PLAC8L1: variants seen among roughly 807,000 people sequenced by gnomAD.
PLAC8L1 encodes the protein PLAC8-like protein 1.
PLAC8L1 carries 13 observed loss-of-function variants against 16.3 expected under a neutral mutation model. The ratio of observed to expected loss-of-function variants is 0.80; its 90% CI spans 0.52 to 1.27. PLAC8L1 has a LOEUF of 1.27. PLAC8L1 is among the 50% of genes most tolerant of loss of function. PLAC8L1 has a pLI of 0.00. For synonymous variants in PLAC8L1, 78 were observed against 79.3 expected, an observed-to-expected ratio of 0.98 and a Z score of 0.09; for missense variants, 184 against 220.2, an observed-to-expected ratio of 0.84 and a Z score of 1.04.
intron 1 of PLAC8L1, among the ~76,000 whole-genome samples, chr5:146,098,640 T>A (rs548936117): frequency 6.6e-6 from 1 of 152,370 alleles, no homozygotes; most frequent in African/African-American, 2.4e-5. Context: ...CTTGGTTAAA[T>A]GACTTTACCT....
chr5:146,084,444 G>C lies in PLAC8L1; in HGVS notation c.522C>G (p.Asp174Glu). ...AGTTATCTTGCTGTCAAACCAGGGT[G>C]TCCTTAGTCATTGGGACTGCACAGA... Reference protein sequence around the residue: ...YEICAVPMTKDTLV With the variant: ...YEICAVPMTKETLV Residue 174 changes from aspartate (D) to glutamate (E), a missense_variant, in exon 4 of 4, where the codon GAC becomes GAG. Coordinates refer to ENST00000311450, the MANE Select transcript of PLAC8L1 (RefSeq NM_001029869.3). 1 of 1,614,104 alleles carries C rather than the reference G, an allele frequency of 6.2e-7. No homozygotes were observed.
In PLAC8L1 at chr5:146,098,142, G is replaced by A. The variant is rs1763745779; in HGVS notation, c.256+14C>T. ...AATAGTAAGGAGGAACTTAAATAAG[G>A]AGGAAAAACTTACAAATTCTCCTAT... On this transcript the variant is annotated intron_variant, in intron 2 of 3. Coordinates refer to ENST00000311450, the MANE Select transcript of PLAC8L1 (RefSeq NM_001029869.3). The A allele has an allele frequency of 6.2e-7, 1 of 1,605,396 alleles. No homozygotes were observed. Among genetic ancestry groups the A allele is most frequent in the South Asian group, 1.1e-5 (1 of 90,032 alleles).
At position 146,104,212 on chromosome 5, in the gene PLAC8L1, G is replaced by A. The variant is rs1727376097; in HGVS notation, c.100C>T (p.His34Tyr). The A allele has an allele frequency of 3.7e-6, 6 of 1,613,546 alleles. No homozygotes were observed. Among genetic ancestry groups the A allele is most frequent in the Non-Finnish European group, 5.1e-6 (6 of 1,179,774 alleles). ...CCCTACCTCAAGTTGGAAATAAAATGTTCATCTTCAGATGACATGTGTGAC... is the reference window on the plus strand; with the variant it reads ...CCCTACCTCAAGTTGGAAATAAAATATTCATCTTCAGATGACATGTGTGAC... ...LLSHMSSEDE[H>Y]FISNLRGHVP... The change falls in exon 1 of 4, where the codon CAT (histidine) becomes TAT (tyrosine). Residue 34 changes from histidine to tyrosine, a missense_variant. Transcript: ENST00000311450.
chr5:146,096,509 A>G (rs570304350), intron 2 of PLAC8L1, among the ~76,000 whole-genome samples: 1 of 152,282 alleles, frequency 6.6e-6, no homozygotes, highest in East Asian at 1.9e-4. Flanking sequence ...CACCTTTATT[A>G]TCTTCATTTT....
At chr5:146,095,289 T>C (rs1763691680) in intron 2 of PLAC8L1, among the ~76,000 whole-genome samples, 1 of 152,192 alleles carries the variant, frequency 6.6e-6, no homozygotes, top group African/African-American at 2.4e-5. Context: ...AAGAATATTG[T>C]ATTTCTCCCC....
intron 1 of PLAC8L1, among the ~76,000 whole-genome samples, chr5:146,102,275 T>C (rs1442331914): frequency 2.6e-5 from 4 of 152,150 alleles, no homozygotes; most frequent in Non-Finnish European, 5.9e-5. Context: ...CCTAGGCTGT[T>C]TGTCTAATTT....
chr5:146,089,363 A>C (rs1763572099), intron 2 of PLAC8L1, among the ~76,000 whole-genome samples: 1 of 152,176 alleles, frequency 6.6e-6, no homozygotes, highest in Non-Finnish European at 1.5e-5. Context: ...ATAATAGCTC[A>C]TATTTATACA....
intron 1 of PLAC8L1, 194 bp downstream of exon 1, chr5:146,103,999 T>TTTCCG (rs1410263534): frequency 1.9e-5 from 19 of 985,310 alleles, no homozygotes; most frequent in Non-Finnish European, 2.2e-5. Flanking sequence ...AGCCAGCCCT[T>TTTCCG]TTCTTGTCAC....
rs369159577 is a variant in PLAC8L1 at position 146,098,248 on chromosome 5, C to G, written c.164G>C (p.Gly55Ala). 1 of 1,614,004 alleles carries G rather than the reference C, an allele frequency of 6.2e-7. No homozygotes were observed. Among genetic ancestry groups the G allele is most frequent in the Non-Finnish European group, 8.5e-7 (1 of 1,180,004 alleles). ...TGTGATTGTCGTCCTGCCACTGGCTCCCCGAACAGGCTGCTTCACCACAGC... is the reference window on the plus strand; with the variant it reads ...TGTGATTGTCGTCCTGCCACTGGCTGCCCGAACAGGCTGCTTCACCACAGC... ...ASAVVKQPVR[G>A]ASGRTTITAI... Residue 55 changes from glycine to alanine, a missense_variant, in exon 2 of 4, where the codon GGA becomes GCA. Physicochemically the swap from Gly to Ala is moderately conservative, Grantham distance 60. Transcript: ENST00000311450.
chr5:146,099,141 A>G (rs1349937525), intron 1 of PLAC8L1, among the ~76,000 whole-genome samples: 1 of 152,116 alleles, frequency 6.6e-6, no homozygotes, highest in Non-Finnish European at 1.5e-5. Flanking sequence ...TCCATAGTGA[A>G]GGGTAAGTTG....
chr5:146,091,509 T>C (rs1763616839), intron 2 of PLAC8L1, among the ~76,000 whole-genome samples: 1 of 151,878 alleles, frequency 6.6e-6, no homozygotes, highest in East Asian at 1.9e-4. Flanking sequence ...TAGAGAAATA[T>C]AGAGAAAAAG....
chr5:146,085,731 T>C, intron 2 of PLAC8L1, 134 bp from the exon 3 acceptor site: 2 of 1,011,780 alleles, frequency 2.0e-6, no homozygotes, highest in Non-Finnish European at 2.7e-6. Context: ...TGAGAATAAA[T>C]AACCAATTCC....
In PLAC8L1 at chr5:146,104,020, AG is replaced by A. The variant is rs1195589970; in HGVS notation, c.119+172del. On this transcript the variant is annotated intron_variant, in intron 1 of 3. Coordinates refer to ENST00000311450, the MANE Select transcript of PLAC8L1 (RefSeq NM_001029869.3). ...CCCTTTTCTTGTCACCAGCCAAGAA[AG>A]GCCAGAAGGAACAAATCAGTTGCCC... 10 of 985,348 alleles carry A rather than the reference AG, an allele frequency of 1.0e-5. No individual in the cohort carries two copies. In the African/African-American group the frequency reaches 1.7e-4, roughly 17 times the overall value. 61.0% of individuals were successfully genotyped at this position (985,348 alleles called of 1,614,324 possible).
In PLAC8L1 at chr5:146,085,523, G is replaced by A. The variant is rs571263085; in HGVS notation, c.331C>T (p.Pro111Ser). 172 of 1,614,032 alleles carry A rather than the reference G, an allele frequency of 1.1e-4. 2 individuals are homozygous for A. The East Asian group carries it at 1.6e-3, about 15-fold the overall frequency. ...GCAAAGGTGGACCCAGGTAACAACG[G>A]CCAACAAAGACACTCTCCATAATGC... Reference protein sequence around the residue: ...ARHYGECLCWPLLPGSTFALR... With the variant: ...ARHYGECLCWSLLPGSTFALR... Residue 111 changes from proline (P) to serine (S), a missense_variant, in exon 3 of 4, where the codon CCG becomes TCG. Physicochemically the swap from Pro to Ser is moderately conservative, Grantham distance 74. Coordinates refer to ENST00000311450, the MANE Select transcript of PLAC8L1 (RefSeq NM_001029869.3).
At chr5:146,104,008 A>C (rs1763867193) in intron 1 of PLAC8L1, 185 bp downstream of exon 1, 1 of 985,256 alleles carries the variant, frequency 1.0e-6, no homozygotes, top group Non-Finnish European at 1.2e-6. Context: ...TTTTCTTGTC[A>C]CCAGCCAAGA....
In PLAC8L1 at chr5:146,085,456, C is replaced by T. The variant is rs1763493462; in HGVS notation, c.393+5G>A. 1 of 1,613,862 alleles carries T rather than the reference C, an allele frequency of 6.2e-7. No homozygotes were observed. Among genetic ancestry groups the T allele is most frequent in the South Asian group, 1.1e-5 (1 of 91,014 alleles). The stretch of plus-strand genomic sequence containing the variant: ...GGGTTCACGTATACCTTCAAACACA[C>T]TTACCTGTATTTTATGTCTCTCCCT... On this transcript the variant is annotated splice_donor_5th_base_variant and intron_variant, in intron 3 of 3. Transcript: ENST00000311450.
intron 1 of PLAC8L1, among the ~76,000 whole-genome samples, chr5:146,101,196 CAAAAAAAAAA>C (rs35143616): frequency 0.01 from 852 of 82,178 alleles, 12 homozygotes; most frequent in African/African-American, 0.043. Flanking sequence ...GACCCTGTCT[CAAAAAAAAAA>C]AAAAAAAAAA....
At position 146,103,814 on chromosome 5, in the gene PLAC8L1, T is replaced by G. The variant is rs934301882; in HGVS notation, c.119+379A>C. ...CTCTTCCGTAATCACACTTGGAGTA[T>G]TGTGAAATCATTCTGCCTTGTACCT... is the stretch of plus-strand genomic sequence containing the variant. On this transcript the variant is annotated intron_variant, in intron 1 of 3. Transcript: ENST00000311450. The G allele has an allele frequency of 8.1e-6, 8 of 985,310 alleles. No homozygotes were observed. In the African/African-American group the frequency reaches 1.4e-4, roughly 17 times the overall value. The allele number at this position is 985,310 out of a possible 1,614,324, so 61.0% of individuals were successfully genotyped here.
chr5:146,101,854 C>T (rs763297866), intron 1 of PLAC8L1, among the ~76,000 whole-genome samples: 34 of 152,100 alleles, frequency 2.2e-4, no homozygotes, highest in Non-Finnish European at 3.8e-4. Context: ...GAGCTTCAAT[C>T]GTCTTTTAGT....
Sources: gnomAD v4.1 joint callset for allele counts (sites outside exome capture counted in the v4.1 genomes callset) on GRCh38, gnomAD v4.1.1 for gene constraint, MANE v1.5 for transcripts, NCBI Gene and HGNC (gene_info 2026-07-23, HGNC 2026-07-21) for gene names.